AOPEP: variants seen among roughly 807,000 people sequenced by gnomAD.
AOPEP encodes aminopeptidase O.
In AOPEP, 77 loss-of-function variants were observed where a neutral mutation model predicts 98.1. That is an observed-to-expected ratio of 0.78 (90% CI 0.65 to 0.95). The LOEUF (loss-of-function observed/expected upper bound fraction) is 0.95, where lower values mean the gene tolerates loss of function less well. Among genes scored for constraint, AOPEP ranks in the 40% least tolerant of loss-of-function variants. AOPEP has a pLI of 0.00. For missense variants in AOPEP, 1,024 were observed against 1,024.7 expected, an observed-to-expected ratio of 1.00 and a Z score of 0.01; for synonymous variants, 346 against 365.3, an observed-to-expected ratio of 0.95 and a Z score of 0.60.
chr9:95,070,764 T>C (rs1367673297), intron 14 of AOPEP, among the ~76,000 whole-genome samples: 1 of 152,166 alleles, frequency 6.6e-6, no homozygotes, highest in Non-Finnish European at 1.5e-5. Flanking sequence ...CAAGCCCAAC[T>C]CTGAGAGTGG....
At chr9:94,811,882 C>T (rs1444559631) in intron 5 of AOPEP, among the ~76,000 whole-genome samples, 1 of 152,214 alleles carries the variant, frequency 6.6e-6, no homozygotes, top group African/African-American at 2.4e-5. Context: ...CCCGTACCCT[C>T]AAAGGCCACA....
At chr9:95,042,490 A>G (rs1032644540) in intron 13 of AOPEP, among the ~76,000 whole-genome samples, 2 of 152,212 alleles carry the variant, frequency 1.3e-5, no homozygotes, top group African/African-American at 4.8e-5. Context: ...AAATTACTAC[A>G]AATATTGTGG....
At chr9:94,987,735 T>G (rs1261499268) in intron 11 of AOPEP, among the ~76,000 whole-genome samples, 1 of 152,228 alleles carries the variant, frequency 6.6e-6, no homozygotes, top group Non-Finnish European at 1.5e-5. Flanking sequence ...GTTGTAATCT[T>G]TTCCCTTTCT....
chr9:94,735,644 T>C (rs1267117010), intron 1 of AOPEP, among the ~76,000 whole-genome samples: 1 of 152,116 alleles, frequency 6.6e-6, no homozygotes, highest in Non-Finnish European at 1.5e-5. Context: ...CCAAGGAGAG[T>C]GATTTTAAAG....
At chr9:94,914,098 A>G (rs1301313580) in intron 5 of AOPEP, among the ~76,000 whole-genome samples, 1 of 152,250 alleles carries the variant, frequency 6.6e-6, no homozygotes, top group Non-Finnish European at 1.5e-5. Context: ...CCAGGCAGCA[A>G]TATAAATTAG....
intron 11 of AOPEP, 99 bp from the exon 12 acceptor site, chr9:95,005,059 G>A (rs528712917): frequency 2.7e-5 from 13 of 484,732 alleles, no homozygotes; most frequent in African/African-American, 2.5e-4. Flanking sequence ...CCCCGGCCGC[G>A]GGCGAGGTAC....
At chr9:94,751,225 CT>C (rs1835698840) in intron 1 of AOPEP, among the ~76,000 whole-genome samples, 1 of 152,076 alleles carries the variant, frequency 6.6e-6, no homozygotes, top group Non-Finnish European at 1.5e-5. Context: ...TTTTTGCTCA[CT>C]CTCATGGGCC....
At chr9:94,741,066 C>G (rs1272720863) in intron 1 of AOPEP, among the ~76,000 whole-genome samples, 1 of 151,752 alleles carries the variant, frequency 6.6e-6, no homozygotes, top group East Asian at 1.9e-4. Flanking sequence ...GAAAGTGTTT[C>G]TCTGTTGGGT....
chr9:95,101,513 G>T, the AOPEP span: 2 of 683,942 alleles, frequency 2.9e-6, no homozygotes, highest in Non-Finnish European at 5.0e-6. Flanking sequence ...GTCTGACTGA[G>T]TCTGGGCTGA....
intron 9 of AOPEP, among the ~76,000 whole-genome samples, chr9:94,966,468 T>C (rs2059208079): frequency 6.6e-6 from 1 of 152,250 alleles, no homozygotes; most frequent in Non-Finnish European, 1.5e-5. Context: ...GTGACTCTTG[T>C]CTGTCATGTT....
At chr9:95,085,934 G>C in intron 16 of AOPEP, 1 of 1,299,178 alleles carries the variant, frequency 7.7e-7, no homozygotes, top group South Asian at 1.3e-5. Context: ...TTGCAGTCCA[G>C]GCCTTCGCGT....
Position 94,810,316 on chromosome 9 carries a change from TTTG to T in AOPEP, c.1364+9317_1364+9319del, listed in dbSNP as rs1413572595. Among the ~76,000 whole-genome samples the T allele has an allele frequency of 7.9e-5, 12 of 151,192 alleles. No homozygotes were observed. The East Asian group carries it at 2.3e-3, about 29-fold the overall frequency. ...CTACATTTGATTTAATCAGGGTTTTTTTGTTTTTTTTTTTTTGAGACAGAGTCT... is the reference window on the plus strand; with the variant it reads ...CTACATTTGATTTAATCAGGGTTTTTTTTTTTTTTTTTTGAGACAGAGTCT... On this transcript the variant is annotated intron_variant, in intron 5 of 16. Transcript: ENST00000375315.
At chr9:95,127,387 C>T in the AOPEP span, 2 of 152,370 alleles carry the variant, frequency 1.3e-5, no homozygotes, top group African/African-American at 2.4e-5. Context: ...GTACCGGTTT[C>T]TTGGAAGGCA....
chr9:94,924,149 G>T lies in AOPEP; in HGVS notation c.1528G>T (p.Asp510Tyr). Reference sequence around the variant, plus strand: ...TGAAGGCTTCGCCACTCACTTGGAGGATGTGTTTTGGGCCACAGCACAGCA... The same window carrying T: ...TGAAGGCTTCGCCACTCACTTGGAGTATGTGTTTTGGGCCACAGCACAGCA... ...LSEGFATHLE[D>Y]VFWATAQQLA... Residue 510 changes from aspartate to tyrosine, a missense_variant, in exon 6 of 17, where the codon GAT becomes TAT. By Grantham distance (160) the Asp-to-Tyr change is radical. Transcript: ENST00000375315. The T allele has an allele frequency of 2.1e-6, 3 of 1,457,476 alleles. No individual in the cohort carries two copies. Among genetic ancestry groups the T allele is most frequent in the Non-Finnish European group, 2.7e-6 (3 of 1,097,624 alleles). The allele number at this position is 1,457,476 out of a possible 1,614,324, so 90.3% of individuals were successfully genotyped here.
At chr9:94,751,924 G>T (rs1034183231) in intron 1 of AOPEP, among the ~76,000 whole-genome samples, 12 of 137,022 alleles carry the variant, frequency 8.8e-5, no homozygotes, top group African/African-American at 3.5e-4. Context: ...AAAGGGTCTC[G>T]CTGTGTTGCT....
At chr9:94,763,068 G>A (rs1013519511) in intron 2 of AOPEP, 2 of 432,412 alleles carry the variant, frequency 4.6e-6, no homozygotes, top group Non-Finnish European at 9.4e-6. Flanking sequence ...AATATTATCA[G>A]TTATACCCGC....
rs16911846 is a variant in AOPEP, at chr9:94,931,697, C to G, written c.1661+3166C>G. 12,320 of 1,511,642 alleles carry G rather than the reference C, an allele frequency of 8.2e-3. 160 individuals carry two copies. The highest frequency in any genetic ancestry group is 0.043 in the East Asian group (1,767 of 40,702). The allele number at this position is 1,511,642 out of a possible 1,614,324, so 93.6% of individuals were successfully genotyped here. A position where few individuals can be genotyped will look rare whatever the true frequency, so the allele number is the denominator to read the frequency against. The stretch of plus-strand genomic sequence containing the variant: ...ATGGGCCATAACAACGTAAAAATCT[C>G]GCTTTATGTCTTGATAGGTTTCCAC... On this transcript the variant is annotated intron_variant, in intron 7 of 16. Transcript: ENST00000375315.
chr9:94,742,245 G>C, intron 1 of AOPEP, among the ~76,000 whole-genome samples: 1 of 152,134 alleles, frequency 6.6e-6, no homozygotes, highest in Non-Finnish European at 1.5e-5. Flanking sequence ...GAAGAGAGGA[G>C]TCAATGTGAA....
chr9:94,924,065 G>T lies in AOPEP; in HGVS notation c.1444G>T (p.Ala482Ser), dbSNP rs1400430416. ...TGGGACCCGCCTCTGCCATGAAATT[G>T]CCCATGCCTGGTTTGGCCTAGCCAT... ...LCGTRLCHEI[A>S]HAWFGLAIGA... Residue 482 changes from alanine to serine, a missense_variant, in exon 6 of 17, where the codon GCC (alanine) becomes TCC (serine). Around this residue, in one of 3 missense-constraint regions of AOPEP, gnomAD observed 566 missense variants for 551.7 expected, o/e 1.03. Coordinates refer to ENST00000375315, the MANE Select transcript of AOPEP (RefSeq NM_001193329.3). The T allele has an allele frequency of 6.5e-7, 1 of 1,528,436 alleles. No individual in the cohort carries two copies. Among genetic ancestry groups the T allele is most frequent in the Non-Finnish European group, 8.8e-7 (1 of 1,135,632 alleles). 94.7% of individuals were successfully genotyped at this position (1,528,436 alleles called of 1,614,324 possible).
Sources: allele counts gnomAD v4.1 joint callset (sites outside exome capture counted in the v4.1 genomes callset), GRCh38; gene constraint gnomAD v4.1.1; regional missense constraint gnomAD v4.1.1; transcripts MANE v1.5; gene names NCBI Gene and HGNC (gene_info 2026-07-23, HGNC 2026-07-21).